The following OR1S2 variants were observed in gnomAD, a reference collection of about 807,000 sequenced individuals.
OR1S2 encodes olfactory receptor 1S2.
In OR1S2, 1 loss-of-function variant was observed where a neutral mutation model predicts 1.7. That is an observed-to-expected ratio of 0.59 (90% CI 0.21 to 2.81). OR1S2 has a LOEUF of 2.81. Among genes scored for constraint, OR1S2 ranks in the 30% most tolerant of loss-of-function variants. The pLI is 0.22. For missense variants in OR1S2, 391 were observed against 371.6 expected, an observed-to-expected ratio of 1.05 and a Z score of -0.43; for synonymous variants, 157 against 145.3, an observed-to-expected ratio of 1.08 and a Z score of -0.58.
exon 1 of OR1S2, chr11:58,203,734 G>T (rs146071306): frequency 1.9e-5 from 30 of 1,613,860 alleles, no homozygotes; most frequent in East Asian, 2.2e-5. Flanking sequence ...AACCTGGCCC[G>T]CATGAAAGTT....
exon 1 of OR1S2, chr11:58,203,248 C>G: frequency 6.2e-7 from 1 of 1,612,946 alleles, no homozygotes; most frequent in Non-Finnish European, 8.5e-7. Flanking sequence ...CTCAGGGCAC[C>G]TTTCATATCC....
At chr11:58,203,470 C>G in exon 1 of OR1S2, 3 of 1,614,012 alleles carry the variant, frequency 1.9e-6, no homozygotes, top group Non-Finnish European at 2.5e-6. Flanking sequence ...ACTCCCAGGA[C>G]AGCTCTGATG....
chr11:58,203,873 T>C lies in OR1S2; in HGVS notation c.270A>G (p.Gln90=), dbSNP rs527707565. ...TGATGCAGCTCTCATAAGAGATGGA[T>C]TGGCTGTTGGTTTGAATATTCACCA... Residue 90 remains glutamine (Q), a synonymous_variant, in exon 1 of 1, where the codon CAA becomes CAG. Transcript: ENST00000641683. 6.8e-6 allele frequency: 11 copies of C among 1,614,096 alleles called. No homozygotes were observed. The East Asian group carries it at 1.6e-4, about 23-fold the overall frequency.
chr11:58,203,946 A>G (rs561282656), exon 1 of OR1S2: 1 of 1,614,130 alleles, frequency 6.2e-7, no homozygotes, highest in Admixed American at 1.7e-5. Context: ...AGCAAAGGAT[A>G]GGTAGGCAAG....
exon 1 of OR1S2, chr11:58,203,998 T>G (rs750657128): frequency 3.3e-5 from 54 of 1,614,056 alleles, no homozygotes; most frequent in Non-Finnish European, 4.6e-5. Context: ...TCCAAGCTGA[T>G]AGCCACAATG....
chr11:58,203,267 C>A (rs766931223), exon 1 of OR1S2: 2 of 1,613,904 alleles, frequency 1.2e-6, no homozygotes, highest in Non-Finnish European at 1.7e-6. Context: ...CCTTATTCCT[C>A]AAGCTGTAGA....
exon 1 of OR1S2, chr11:58,203,223 C>G (rs368857095): frequency 4.5e-5 from 72 of 1,607,488 alleles, no homozygotes; most frequent in African/African-American, 8.0e-5. Context: ...AGAAATTTTT[C>G]TATTGATGAG....
chr11:58,203,290 T>C (rs139372504), exon 1 of OR1S2: 2 of 1,613,968 alleles, frequency 1.2e-6, no homozygotes, highest in Admixed American at 1.7e-5. Context: ...AAGGGGTTCA[T>C]CATGGGTGTC....
exon 1 of OR1S2, chr11:58,204,127 G>C (rs1191657052): frequency 7.4e-6 from 12 of 1,613,800 alleles, no homozygotes; most frequent in Non-Finnish European, 9.3e-6. Flanking sequence ...ATGGTGGTTT[G>C]GTTTTCTTGA....
At chr11:58,203,363 A>G (rs764429804) in exon 1 of OR1S2, 7 of 1,613,918 alleles carry the variant, frequency 4.3e-6, no homozygotes, top group African/African-American at 2.7e-5. Context: ...AGGAGGGGAA[A>G]AAGTACACGC....
At chr11:58,203,445 C>T (rs376251482) in exon 1 of OR1S2, 5 of 1,613,864 alleles carry the variant, frequency 3.1e-6, no homozygotes, top group Non-Finnish European at 4.2e-6. Context: ...TTTCCACTTT[C>T]CCTGTGTGGA....
exon 1 of OR1S2, chr11:58,203,599 C>A (rs991581223): frequency 6.2e-7 from 1 of 1,613,950 alleles, no homozygotes; most frequent in Non-Finnish European, 8.5e-7. Context: ...AGCAGAGGGG[C>A]CAAGTCACAG....
chr11:58,203,573 T>A (rs1283832365), exon 1 of OR1S2: 1 of 1,614,026 alleles, frequency 6.2e-7, no homozygotes. Flanking sequence ...TCATTGTATC[T>A]GAACAGGACA....
chr11:58,203,492 G>A (rs1590637691), exon 1 of OR1S2: 4 of 1,614,074 alleles, frequency 2.5e-6, no homozygotes, highest in East Asian at 2.2e-5. Flanking sequence ...TGCAGACATA[G>A]GAGAAGAAGA....
At chr11:58,203,308 T>C in exon 1 of OR1S2, 4 of 1,614,010 alleles carry the variant, frequency 2.5e-6, no homozygotes, top group Non-Finnish European at 3.4e-6. Flanking sequence ...GTCACCACAG[T>C]GAATAGGACA....
exon 1 of OR1S2, chr11:58,203,582 C>G (rs1854873281): frequency 6.2e-7 from 1 of 1,614,096 alleles, no homozygotes; most frequent in South Asian, 1.1e-5. Flanking sequence ...CTGAACAGGA[C>G]AGTTTGAGCA....
chr11:58,203,984 T>G (rs768128748), exon 1 of OR1S2: 1 of 1,613,702 alleles, frequency 6.2e-7, no homozygotes, highest in Non-Finnish European at 8.5e-7. Context: ...TGTGAAGGTA[T>G]ATATCCAAGC....
rs371531797 is a variant in OR1S2 at position 58,203,468 on chromosome 11, G to C, written c.675C>G (p.Val225=). The C allele has an allele frequency of 1.3e-5, 21 of 1,613,936 alleles. No individual in the cohort carries two copies. The African/African-American group carries it at 2.4e-4, about 18-fold the overall frequency. ...TTCCCTGTGTGGATGATACTCCCAG[G>C]ACAGCTCTGATGATGCAGACATAGG... The change falls in exon 1 of 1, where the codon GTC becomes GTG. Residue 225 remains valine (V), a synonymous_variant. Coordinates refer to ENST00000641683, the Ensembl canonical transcript of OR1S2.
Position 58,203,910 on chromosome 11 carries a change from A to ACTGAGTTGGGG in OR1S2, c.232_233insCCCCAACTCAG (p.Val78AlafsTer10), listed in dbSNP as rs1268172903. The ACTGAGTTGGGG allele has an allele frequency of 1.9e-6, 3 of 1,613,972 alleles. No homozygotes were observed. The highest frequency in any genetic ancestry group is 1.7e-6 in the Non-Finnish European group (2 of 1,180,012). ...TTGAATATTCACCAGCATTTTGGGG[A>ACTGAGTTGGGG]CTGAGTTGGAAATGGAGGAAATATC... On this transcript the variant is annotated frameshift_variant, in exon 1 of 1. Coordinates refer to ENST00000641683, the Ensembl canonical transcript of OR1S2. LOFTEE classifies it low-confidence loss of function (END_TRUNC).
Sources: allele counts gnomAD v4.1 joint callset, GRCh38; gene constraint gnomAD v4.1.1; transcripts MANE v1.5; gene names NCBI Gene and HGNC (gene_info 2026-07-23, HGNC 2026-07-21).